Variants in DZIP1 observed in about 807,000 individuals in gnomAD.
DZIP1 encodes the protein DAZ interacting zinc finger protein 1, also known as cilium assembly protein DZIP1.
A neutral mutation model predicts 107.6 loss-of-function variants in DZIP1; 97 were observed. That is an observed-to-expected ratio of 0.90 (90% CI 0.77 to 1.07). DZIP1 has a LOEUF of 1.07. DZIP1 is among the 50% of genes least tolerant of loss of function. DZIP1 has a pLI of 0.00. For synonymous variants in DZIP1, 390 were observed against 386.4 expected, an observed-to-expected ratio of 1.01 and a Z score of -0.11; for missense variants, 1,035 against 1,063.6, an observed-to-expected ratio of 0.97 and a Z score of 0.37.
At chr13:95,630,145 A>G (rs373157659) in intron 6 of DZIP1, 32 bp from the exon 7 acceptor site, 2 of 1,594,914 alleles carry the variant, frequency 1.3e-6, no homozygotes, top group African/African-American at 1.3e-5. Flanking sequence ...TTAAAACACC[A>G]TCTCTTACCA....
rs1184617080 is a variant in DZIP1, at chr13:95,587,527, G to GT, written c.2218+11dup. 2 of 1,612,814 alleles carry GT rather than the reference G, an allele frequency of 1.2e-6. No homozygotes were observed. The highest frequency in any genetic ancestry group is 1.3e-5 in the African/African-American group (1 of 74,892). The stretch of plus-strand genomic sequence containing the variant: ...TACAGTTTCCAGAGAGTTTTCCAAG[G>GT]TAACAGCTCACCTGCGGGCTTGGGA... On this transcript the variant is annotated intron_variant, in intron 20 of 22. Coordinates refer to ENST00000376829, the MANE Select transcript of DZIP1 (RefSeq NM_198968.4).
rs754945892 is a variant in DZIP1, at chr13:95,641,425, C to CAG, written c.466_467insCT (p.Gly156AlafsTer29). ...GGTGAGCAGCTTCTTGCTCTGCTCG[C>CAG]CGTCGCAGTGGCTCAGGCGCAGCCG... On this transcript the variant is annotated frameshift_variant, in exon 5 of 23. Coordinates refer to ENST00000376829, the MANE Select transcript of DZIP1 (RefSeq NM_198968.4). LOFTEE classifies it high-confidence loss of function. The surrounding 1 kb of genome is among the most constrained non-coding windows in gnomAD (Gnocchi z 4.3). The CAG allele has an allele frequency of 6.2e-7, 1 of 1,614,050 alleles. No individual in the cohort carries two copies. Among genetic ancestry groups the CAG allele is most frequent in the Non-Finnish European group, 8.5e-7 (1 of 1,180,020 alleles).
chr13:95,643,103 G>A lies in DZIP1; in HGVS notation c.-273C>T, dbSNP rs539539613. 1 of 152,294 alleles carries A rather than the reference G, an allele frequency of 6.6e-6. No homozygotes were observed. Among genetic ancestry groups the A allele is most frequent in the South Asian group, 2.1e-4 (1 of 4,824 alleles). 9.4% of individuals were successfully genotyped at this position (152,294 alleles called of 1,614,324 possible). On this transcript the variant is annotated 5_prime_UTR_variant, in exon 3 of 23. Transcript: ENST00000376829. Reference sequence around the variant, plus strand: ...TGGAGAGGCTAAAATATTTCTAGCAGCGACTTGTAGACCTCAGGCCTCTCA... The same window carrying A: ...TGGAGAGGCTAAAATATTTCTAGCAACGACTTGTAGACCTCAGGCCTCTCA...
intron 14 of DZIP1, among the ~76,000 whole-genome samples, 162 bp from the exon 15 acceptor site, chr13:95,599,586 T>C (rs1191913743): frequency 6.6e-6 from 1 of 152,238 alleles, no homozygotes; most frequent in African/African-American, 2.4e-5. Flanking sequence ...CAGTCATAGA[T>C]GGTCACCTTT....
chr13:95,616,460 G>A (rs1053642348), intron 10 of DZIP1, among the ~76,000 whole-genome samples: 2 of 152,214 alleles, frequency 1.3e-5, no homozygotes, highest in Admixed American at 6.5e-5. Context: ...ATGAGTGGAT[G>A]CTGGGCAGAC....
chr13:95,638,678 GA>G (rs1449720197), intron 5 of DZIP1, among the ~76,000 whole-genome samples: 2 of 151,776 alleles, frequency 1.3e-5, no homozygotes, highest in Non-Finnish European at 2.9e-5. Context: ...CCCCATGGGG[GA>G]AAAAACCCAT....
In DZIP1 at chr13:95,587,678, C is replaced by G. The variant is rs1566360768; in HGVS notation, c.2079G>C (p.Arg693=). The G allele has an allele frequency of 6.2e-7, 1 of 1,614,052 alleles. No homozygotes were observed. Among genetic ancestry groups the G allele is most frequent in the East Asian group, 2.2e-5 (1 of 44,872 alleles). The change falls in exon 20 of 23, where the codon CGG becomes CGC. Residue 693 remains arginine (R), a synonymous_variant. Transcript: ENST00000376829. ...EEEQEDDDLI[R]AYASPGPLPV... is the part of the protein sequence containing the mutation. Reference sequence around the variant, plus strand: ...GAAGTGGGCCTGGGGATGCGTATGCCCGGATGAGGTCGTCGTCCTCCTGCT... The same window carrying G: ...GAAGTGGGCCTGGGGATGCGTATGCGCGGATGAGGTCGTCGTCCTCCTGCT...
In DZIP1 at chr13:95,583,811, G is replaced by A. The variant is rs183011670; in HGVS notation, c.2524+925C>T. Among the ~76,000 whole-genome samples the A allele has an allele frequency of 8.5e-5, 13 of 152,080 alleles. No homozygotes were observed. The East Asian group carries it at 1.6e-3, about 18-fold the overall frequency. ...AAAGGCATCTTCATGAAGAGAATAC[G>A]TGTATAGACATTTTTAAAAATAATA... is the stretch of plus-strand genomic sequence containing the variant. On this transcript the variant is annotated intron_variant, in intron 22 of 22. Coordinates refer to ENST00000376829, the MANE Select transcript of DZIP1 (RefSeq NM_198968.4).
intron 12 of DZIP1, 80 bp from the exon 13 acceptor site, chr13:95,609,593 G>T: frequency 2.0e-6 from 2 of 1,006,404 alleles, no homozygotes; most frequent in Non-Finnish European, 2.8e-6. Flanking sequence ...ACTAATTTGA[G>T]CCCCCATAAA....
At chr13:95,589,101 T>C (rs1054906343) in intron 19 of DZIP1, 53 bp downstream of exon 19, 9 of 1,394,498 alleles carry the variant, frequency 6.5e-6, no homozygotes, top group Non-Finnish European at 9.1e-6. Context: ...ATGAAAGGAA[T>C]GTTCAGTGAA....
intron 11 of DZIP1, among the ~76,000 whole-genome samples, chr13:95,611,829 T>G (rs184726276): frequency 6.6e-6 from 1 of 152,336 alleles, no homozygotes; most frequent in Non-Finnish European, 1.5e-5. Flanking sequence ...ATTTTGAACT[T>G]TAACTGTATA....
Position 95,587,749 on chromosome 13 carries a change from G to T in DZIP1, c.2028-20C>A, listed in dbSNP as rs2044202310. 2 of 1,606,634 alleles carry T rather than the reference G, an allele frequency of 1.2e-6. No individual in the cohort carries two copies. Reference sequence around the variant, plus strand: ...GGGGTCCTACACAAATCAACACCGAGATAGGGGCGCTGTTTTCGTAACGCT... The same window carrying T: ...GGGGTCCTACACAAATCAACACCGATATAGGGGCGCTGTTTTCGTAACGCT... On this transcript the variant is annotated intron_variant, in intron 19 of 22. Coordinates refer to ENST00000376829, the MANE Select transcript of DZIP1 (RefSeq NM_198968.4).
chr13:95,627,569 T>C lies in DZIP1; in HGVS notation c.810+2420A>G, dbSNP rs182759312. 1.2e-3 allele frequency among the ~76,000 whole-genome samples: 187 copies of C among 152,244 alleles called. 1 individual carries two copies. The highest frequency in any genetic ancestry group is 4.2e-3 in the African/African-American group (173 of 41,542). On this transcript the variant is annotated intron_variant, in intron 7 of 22. Coordinates refer to ENST00000376829, the MANE Select transcript of DZIP1 (RefSeq NM_198968.4). ...TCATTGGTTGTTAAGGAAATACAAA[T>C]CAAACTCCGATGAGATACCACTTCC...
chr13:95,636,479 G>A (rs779964362), intron 5 of DZIP1, among the ~76,000 whole-genome samples: 3 of 147,850 alleles, frequency 2.0e-5, no homozygotes, highest in Admixed American at 6.8e-5. Context: ...GGAGGTGGAG[G>A]TTGCAGTGAG....
At chr13:95,636,592 A>C (rs1429447765) in intron 5 of DZIP1, among the ~76,000 whole-genome samples, 1 of 151,978 alleles carries the variant, frequency 6.6e-6, no homozygotes, top group Admixed American at 6.6e-5. Flanking sequence ...GCAAGGAATA[A>C]AAGAGACACT....
At chr13:95,605,423 T>C (rs1282894150) in intron 14 of DZIP1, among the ~76,000 whole-genome samples, 2 of 152,212 alleles carry the variant, frequency 1.3e-5, no homozygotes, top group Non-Finnish European at 2.9e-5. Context: ...GCTACAAATA[T>C]TCAGCCCATC....
intron 11 of DZIP1, 80 bp downstream of exon 11, chr13:95,611,957 T>C (rs938826427): frequency 2.5e-5 from 38 of 1,528,036 alleles, no homozygotes; most frequent in Middle Eastern, 3.5e-4. Flanking sequence ...CACTTACAAA[T>C]GCTCTAAAGT....
chr13:95,638,301 G>C (rs1391659348), intron 5 of DZIP1, among the ~76,000 whole-genome samples: 1 of 151,928 alleles, frequency 6.6e-6, no homozygotes, highest in Non-Finnish European at 1.5e-5. Flanking sequence ...TGTTGGCCAG[G>C]CTTCTCTTGA....
intron 22 of DZIP1, chr13:95,584,505 T>TA (rs752500595): frequency 1.9e-5 from 16 of 823,788 alleles, no homozygotes; most frequent in Non-Finnish European, 2.0e-5. Flanking sequence ...AAAAATAAAT[T>TA]AAAAATTTAA....
Sources: allele counts gnomAD v4.1 joint callset (sites outside exome capture counted in the v4.1 genomes callset), GRCh38; gene constraint gnomAD v4.1.1; non-coding constraint Gnocchi (gnomAD v3.1); transcripts MANE v1.5; gene names NCBI Gene and HGNC (gene_info 2026-07-23, HGNC 2026-07-21).